The following IL21R variants were observed in gnomAD, a reference collection of about 807,000 sequenced individuals.
The protein encoded by IL21R is interleukin-21 receptor.
A neutral mutation model predicts 41.3 loss-of-function variants in IL21R; 14 were observed. That is an observed-to-expected ratio of 0.34 (90% CI 0.22 to 0.53). IL21R has a LOEUF of 0.53. IL21R is among the 20% of genes least tolerant of loss of function. IL21R has a pLI of 0.94. For synonymous variants in IL21R, 286 were observed against 287.6 expected (o/e 0.99, Z 0.05); for missense variants, 588 against 681.6 (o/e 0.86, Z 1.53).
At chr16:27,428,145 A>C (rs2087108261) in intron 1 of IL21R, among the ~76,000 whole-genome samples, 1 of 152,164 alleles carries the variant, frequency 6.6e-6, no homozygotes, top group Non-Finnish European at 1.5e-5. Context: ...TTGAGTGTTT[A>C]TGTGATGGGG....
In IL21R at chr16:27,451,204, A is replaced by G. The variant is rs2087591985; in HGVS notation, c.*1921A>G. Reference sequence around the variant, plus strand: ...GTTTTCACACCTTCTTGGGGGCAACAGGTTCCAGGAGCCACCTGTGGGTGC... The same window carrying G: ...GTTTTCACACCTTCTTGGGGGCAACGGGTTCCAGGAGCCACCTGTGGGTGC... On this transcript the variant is annotated 3_prime_UTR_variant, in exon 9 of 9. Coordinates refer to ENST00000337929, the MANE Select transcript of IL21R (RefSeq NM_181078.3). 4.4e-6 allele frequency: 1 copy of G among 228,730 alleles called. No homozygotes were observed. The highest frequency in any genetic ancestry group is 8.6e-6 in the Non-Finnish European group (1 of 116,678). 14.2% of individuals were successfully genotyped at this position (228,730 alleles called of 1,614,324 possible). A position where few individuals can be genotyped will look rare whatever the true frequency, so the allele number is the denominator to read the frequency against.
chr16:27,430,026 G>A, intron 1 of IL21R, 30 bp from the exon 2 acceptor site: 4 of 1,598,562 alleles, frequency 2.5e-6, no homozygotes, highest in Non-Finnish European at 3.4e-6. Context: ...GAGCCCGCCT[G>A]GCTCACCCTC....
chr16:27,429,987 C>A, intron 1 of IL21R, 69 bp from the exon 2 acceptor site: 1 of 1,342,694 alleles, frequency 7.4e-7, no homozygotes, highest in Non-Finnish European at 1.0e-6. Context: ...TGGGAAGAGA[C>A]AGGATGAGGG....
At chr16:27,404,901 A>G (rs958786072) in intron 1 of IL21R, among the ~76,000 whole-genome samples, 1 of 152,122 alleles carries the variant, frequency 6.6e-6, no homozygotes, top group Admixed American at 6.5e-5. Context: ...TGGAACATCT[A>G]CCATGGCCCA....
intron 1 of IL21R, among the ~76,000 whole-genome samples, chr16:27,414,155 A>C (rs1348732182): frequency 2.0e-5 from 1 of 50,198 alleles, no homozygotes; most frequent in Non-Finnish European, 3.9e-5. Context: ...GGATAATGTT[A>C]GCTATGTATA....
At chr16:27,445,535 A>G (rs565232644) in intron 7 of IL21R, among the ~76,000 whole-genome samples, 1 of 152,346 alleles carries the variant, frequency 6.6e-6, no homozygotes, top group East Asian at 1.9e-4. Context: ...TGTCAAGGAC[A>G]AAGTCACACA....
chr16:27,408,372 T>A (rs1022776249), intron 1 of IL21R, among the ~76,000 whole-genome samples: 12 of 152,290 alleles, frequency 7.9e-5, no homozygotes, highest in African/African-American at 2.9e-4. Flanking sequence ...CTGTCAGTGG[T>A]CTGATGAGCC....
At chr16:27,429,984 A>T in intron 1 of IL21R, 72 bp from the exon 2 acceptor site, 1 of 1,307,998 alleles carries the variant, frequency 7.6e-7, no homozygotes, top group Non-Finnish European at 1.1e-6. Flanking sequence ...GCCTGGGAAG[A>T]GACAGGATGA....
intron 1 of IL21R, among the ~76,000 whole-genome samples, chr16:27,428,891 T>C (rs1206701300): frequency 6.6e-6 from 1 of 152,220 alleles, no homozygotes; most frequent in Non-Finnish European, 1.5e-5. Flanking sequence ...AGTGGTTAAC[T>C]TTGTGGGTTA....
chr16:27,437,125 C>T (rs542605458), intron 3 of IL21R, among the ~76,000 whole-genome samples: 24 of 152,292 alleles, frequency 1.6e-4, no homozygotes, highest in African/African-American at 5.3e-4. Context: ...AAATGCCTAG[C>T]GCCCTTCCTG....
At chr16:27,418,735 GTTATC>G (rs1414992001) in intron 1 of IL21R, among the ~76,000 whole-genome samples, 7 of 152,014 alleles carry the variant, frequency 4.6e-5, no homozygotes, top group Non-Finnish European at 8.8e-5. Flanking sequence ...TGTAATAACA[GTTATC>G]TTATTGTAAT....
chr16:27,428,862 C>A (rs1451912921), intron 1 of IL21R, among the ~76,000 whole-genome samples: 2 of 152,032 alleles, frequency 1.3e-5, no homozygotes, highest in Non-Finnish European at 2.9e-5. Flanking sequence ...TTGGGCTAAC[C>A]TTATCTTAAG....
intron 4 of IL21R, among the ~76,000 whole-genome samples, chr16:27,440,240 TATATATATAG>T (rs1398253422): frequency 3.4e-5 from 3 of 88,718 alleles, no homozygotes; most frequent in South Asian, 3.0e-4. Flanking sequence ...TATATATATA[TATATATATAG>T]AGAGAGAGAG....
rs78023004 is a variant in IL21R, at chr16:27,420,987, C to T, written c.-16-9069C>T. Reference sequence around the variant, plus strand: ...TCTATTTTGAGTAAATTTTTGTATACGGTGTGAAGTAGAAATCTAGCTTCA... The same window carrying T: ...TCTATTTTGAGTAAATTTTTGTATATGGTGTGAAGTAGAAATCTAGCTTCA... On this transcript the variant is annotated intron_variant, in intron 1 of 8. Transcript: ENST00000337929. 6.2e-3 allele frequency among the ~76,000 whole-genome samples: 936 copies of T among 152,090 alleles called. 1 individual carries two copies. The highest frequency in any genetic ancestry group is 0.01 in the Non-Finnish European group (712 of 67,970).
At chr16:27,404,752 C>T (rs1435824034) in intron 1 of IL21R, among the ~76,000 whole-genome samples, 2 of 152,200 alleles carry the variant, frequency 1.3e-5, no homozygotes, top group East Asian at 3.8e-4. Context: ...GGGTTCAAGT[C>T]CACCGCTTAG....
At chr16:27,433,029 T>C (rs1199806378) in intron 2 of IL21R, among the ~76,000 whole-genome samples, 1 of 152,162 alleles carries the variant, frequency 6.6e-6, no homozygotes, top group Non-Finnish European at 1.5e-5. Context: ...AACTAAAGGA[T>C]ATTTCCAGAC....
At chr16:27,431,348 G>A (rs913148610) in intron 2 of IL21R, among the ~76,000 whole-genome samples, 32 of 152,240 alleles carry the variant, frequency 2.1e-4, no homozygotes, top group Admixed American at 1.8e-3. Flanking sequence ...TGCAAAGCTC[G>A]GAGCGTCATC....
intron 1 of IL21R, among the ~76,000 whole-genome samples, chr16:27,426,498 G>A (rs1596578733): frequency 6.6e-6 from 1 of 152,242 alleles, no homozygotes; most frequent in African/African-American, 2.4e-5. Context: ...TTGAGAGGAT[G>A]GGAGGGGAAA....
At position 27,451,864 on chromosome 16, in the gene IL21R, G is replaced by A; in HGVS notation, c.*2581G>A. On this transcript the variant is annotated 3_prime_UTR_variant, in exon 9 of 9. Transcript: ENST00000337929. ...AAAAGTCTTTGATATTACTCTTAAT[G>A]GCTTTAATAAAAAGCTTGAAGGAAG... 4.3e-6 allele frequency: 1 copy of A among 230,598 alleles called. No homozygotes were observed. The highest frequency in any genetic ancestry group is 2.2e-5 in the African/African-American group (1 of 45,310). The allele number at this position is 230,598 out of a possible 1,614,324, so 14.3% of individuals were successfully genotyped here.
Sources: gnomAD v4.1 joint callset for allele counts (sites outside exome capture counted in the v4.1 genomes callset) on GRCh38, gnomAD v4.1.1 for gene constraint, MANE v1.5 for transcripts, NCBI Gene and HGNC (gene_info 2026-07-23, HGNC 2026-07-21) for gene names.